ANK3: variants seen among roughly 807,000 people sequenced by gnomAD.
ANK3 encodes the protein ankyrin 3.
A neutral mutation model predicts 370.9 loss-of-function variants in ANK3; 57 were observed. The ratio of observed to expected loss-of-function variants is 0.15; its 90% CI spans 0.12 to 0.19. The LOEUF is 0.19. Ranked by LOEUF, ANK3 falls within the 10% of genes least tolerant of loss-of-function variation. The pLI is 1.00. For missense variants in ANK3, 4,439 were observed against 5,302.1 expected (o/e 0.84, Z 5.06); for synonymous variants, 1,929 against 1,946.3 (o/e 0.99, Z 0.23).
intron 1 of ANK3, among the ~76,000 whole-genome samples, chr10:60,686,014 A>G (rs147432828): frequency 4.6e-5 from 7 of 152,312 alleles, no homozygotes; most frequent in African/African-American, 1.7e-4. Flanking sequence ...TCCAAAATTG[A>G]TCTATAAACT....
chr10:60,303,266 C>A (rs1025328874), intron 1 of ANK3, among the ~76,000 whole-genome samples: 1 of 152,066 alleles, frequency 6.6e-6, no homozygotes, highest in Non-Finnish European at 1.5e-5. Context: ...ACGAAATGAA[C>A]CAGCAACTTA....
At chr10:60,647,405 G>A (rs2078723119) in intron 1 of ANK3, among the ~76,000 whole-genome samples, 2 of 152,148 alleles carry the variant, frequency 1.3e-5, no homozygotes, top group South Asian at 4.1e-4. Flanking sequence ...ACGCCATGCT[G>A]CCATCTACTG....
intron 2 of ANK3, among the ~76,000 whole-genome samples, chr10:60,417,859 C>T (rs188228428): frequency 2.0e-5 from 3 of 152,258 alleles, no homozygotes; most frequent in East Asian, 3.9e-4. Flanking sequence ...TGTAGACACA[C>T]TATCAAGATA....
chr10:60,051,658 TTTC>T (rs1194015912), intron 42 of ANK3: 10 of 433,172 alleles, frequency 2.3e-5, no homozygotes, highest in Middle Eastern at 1.2e-3. Context: ...TACTTGATGT[TTTC>T]TTCTTTTTTT....
intron 2 of ANK3, among the ~76,000 whole-genome samples, chr10:60,401,657 T>C (rs1422256361): frequency 6.6e-6 from 1 of 152,244 alleles, no homozygotes; most frequent in Non-Finnish European, 1.5e-5. Context: ...ATATAATGAA[T>C]ATCCATGCAA....
At chr10:60,053,815 C>T in intron 42 of ANK3, 1 of 1,060,256 alleles carries the variant, frequency 9.4e-7, no homozygotes, top group Non-Finnish European at 1.3e-6. Context: ...ATGGTATAGC[C>T]ACAAACGATA....
At chr10:60,290,793 C>T (rs2041184748) in intron 1 of ANK3, among the ~76,000 whole-genome samples, 1 of 152,150 alleles carries the variant, frequency 6.6e-6, no homozygotes, top group Non-Finnish European at 1.5e-5. Context: ...TGGCCACTCT[C>T]ATGCTGAAAG....
intron 2 of ANK3, among the ~76,000 whole-genome samples, chr10:60,466,937 G>T (rs1244034052): frequency 6.6e-6 from 1 of 152,108 alleles, no homozygotes; most frequent in Admixed American, 6.5e-5. Flanking sequence ...GTAATGGAGG[G>T]TGCCTGCTAA....
chr10:60,569,678 A>G (rs752446021), intron 2 of ANK3, among the ~76,000 whole-genome samples: 4 of 152,218 alleles, frequency 2.6e-5, no homozygotes, highest in Non-Finnish European at 4.4e-5. Flanking sequence ...ATGACTCCAT[A>G]TTAAATGTCT....
intron 1 of ANK3, among the ~76,000 whole-genome samples, chr10:60,328,356 A>C (rs1177643431): frequency 2.0e-5 from 3 of 152,246 alleles, no homozygotes. Flanking sequence ...ATAACATTAA[A>C]TTTGGACAAA....
intron 8 of ANK3, among the ~76,000 whole-genome samples, chr10:60,226,239 A>G (rs369881677): frequency 8.8e-6 from 1 of 113,022 alleles, no homozygotes; most frequent in Admixed American, 1.0e-4. Context: ...ATGTATATAT[A>G]CTATATTATA....
intron 23 of ANK3, among the ~76,000 whole-genome samples, chr10:60,141,868 T>C (rs2094585785): frequency 6.6e-6 from 1 of 152,172 alleles, no homozygotes; most frequent in East Asian, 1.9e-4. Context: ...TCAGCCTGGC[T>C]GTAATCAACA....
intron 1 of ANK3, among the ~76,000 whole-genome samples, chr10:60,708,136 T>C (rs2133426072): frequency 6.6e-6 from 1 of 152,268 alleles, no homozygotes; most frequent in African/African-American, 2.4e-5. Context: ...TGTCTCATTA[T>C]CAATTTACCT....
At chr10:60,538,752 AAAATAGT>A (rs1440219365) in intron 2 of ANK3, among the ~76,000 whole-genome samples, 1 of 151,928 alleles carries the variant, frequency 6.6e-6, no homozygotes, top group East Asian at 1.9e-4. Flanking sequence ...TCCCATATAG[AAAATAGT>A]AAATATATAT....
chr10:60,559,676 G>A (rs2393646), intron 2 of ANK3, among the ~76,000 whole-genome samples: 102,808 of 151,950 alleles, frequency 0.68, 35,530 homozygotes, highest in South Asian at 0.88. Flanking sequence ...CCAGGTCACC[G>A]TGCAGAGTAT....
intron 2 of ANK3, among the ~76,000 whole-genome samples, chr10:60,397,873 G>A (rs944765084): frequency 6.6e-6 from 1 of 152,226 alleles, no homozygotes; most frequent in South Asian, 2.1e-4. Context: ...AATACAACTC[G>A]AGAACAATTT....
intron 5 of ANK3, among the ~76,000 whole-genome samples, chr10:60,268,395 T>C (rs1403179209): frequency 6.6e-6 from 1 of 152,182 alleles, no homozygotes; most frequent in Non-Finnish European, 1.5e-5. Flanking sequence ...GACATTTTCC[T>C]ATATCAGTAC....
At chr10:60,132,603 A>G (rs2094140451) in intron 25 of ANK3, among the ~76,000 whole-genome samples, 1 of 151,616 alleles carries the variant, frequency 6.6e-6, no homozygotes, top group South Asian at 2.1e-4. Flanking sequence ...GAACAGACTA[A>G]TACATGCACC....
rs563795542 is a variant in ANK3, at chr10:60,218,381, A to G, written c.898-4871T>C. Among the ~76,000 whole-genome samples, 43 of 151,800 alleles carry G rather than the reference A, an allele frequency of 2.8e-4. No homozygotes were observed. In the South Asian group the frequency reaches 8.1e-3, roughly 29 times the overall value. On this transcript the variant is annotated intron_variant, in intron 8 of 43. Transcript: ENST00000280772. ...GATTCTGTTTCCTCATAGTTTCATT[A>G]GTCTTTATATTTTGTCATGTCTTTG...
Sources: allele counts gnomAD v4.1 joint callset (sites outside exome capture counted in the v4.1 genomes callset), GRCh38; gene constraint gnomAD v4.1.1; transcripts MANE v1.5; gene names NCBI Gene and HGNC (gene_info 2026-07-23, HGNC 2026-07-21).